Variants in GRIK1 observed in about 807,000 individuals in gnomAD.
The protein encoded by GRIK1 is glutamate receptor ionotropic, kainate 1.
GRIK1 carries 69 observed loss-of-function variants against 105.7 expected under a neutral mutation model. The observed-to-expected ratio is 0.65, with a 90% CI of 0.54 to 0.80. GRIK1 has a LOEUF of 0.80. GRIK1 is among the 30% of genes least tolerant of loss of function. GRIK1 has a pLI of 0.00. For synonymous variants in GRIK1, 438 were observed against 431.3 expected (o/e 1.02, Z -0.19); for missense variants, 1,109 against 1,167.3 (o/e 0.95, Z 0.73).
In GRIK1 at chr21:29,891,455, G is replaced by A. The variant is rs77178392; in HGVS notation, c.118+47928C>T. The stretch of plus-strand genomic sequence containing the variant: ...TAATCACAATGATAGCCTGTGTGGC[G>A]TGCATAATGCATTCTACATCTAGAA... On this transcript the variant is annotated intron_variant, in intron 1 of 17. Transcript: ENST00000327783. Among the ~76,000 whole-genome samples the A allele has an allele frequency of 7.9e-5, 12 of 152,206 alleles. No individual in the cohort carries two copies. The East Asian group carries it at 1.4e-3, about 17-fold the overall frequency.
At chr21:29,793,700 A>G (rs1323609558) in intron 1 of GRIK1, among the ~76,000 whole-genome samples, 1 of 152,234 alleles carries the variant, frequency 6.6e-6, no homozygotes, top group African/African-American at 2.4e-5. Flanking sequence ...CTACTAGAAG[A>G]CCAGCAAATT....
intron 1 of GRIK1, among the ~76,000 whole-genome samples, chr21:29,719,542 T>C (rs370688499): frequency 1.3e-5 from 2 of 152,288 alleles, no homozygotes; most frequent in African/African-American, 4.8e-5. Context: ...CATATAGGTT[T>C]CAAATATTCA....
At chr21:29,737,485 AG>A (rs1478040803) in intron 1 of GRIK1, among the ~76,000 whole-genome samples, 5 of 152,240 alleles carry the variant, frequency 3.3e-5, no homozygotes. Flanking sequence ...ACAAAATAAA[AG>A]GGGCACATTC....
chr21:29,627,264 A>G (rs2062152798), intron 7 of GRIK1, among the ~76,000 whole-genome samples: 1 of 152,168 alleles, frequency 6.6e-6, no homozygotes, highest in Admixed American at 6.5e-5. Context: ...GGTGGAAAGT[A>G]TTTTACTTAC....
chr21:29,757,702 G>A (rs1254408238), intron 1 of GRIK1, among the ~76,000 whole-genome samples: 1 of 152,160 alleles, frequency 6.6e-6, no homozygotes, highest in East Asian at 1.9e-4. Flanking sequence ...TTAACTTTAA[G>A]CAGGGTTTTT....
chr21:29,601,472 G>C (rs1234533780), intron 7 of GRIK1, among the ~76,000 whole-genome samples: 8 of 152,120 alleles, frequency 5.3e-5, no homozygotes, highest in Admixed American at 3.9e-4. Context: ...TAATACAGAG[G>C]TCTTTGAAAA....
intron 14 of GRIK1, among the ~76,000 whole-genome samples, chr21:29,576,649 T>C (rs901385855): frequency 1.3e-5 from 2 of 152,024 alleles, no homozygotes; most frequent in African/African-American, 2.4e-5. Flanking sequence ...AATGAGTGGT[T>C]AGATTGTATT....
Position 29,596,526 on chromosome 21 carries a change from C to T in GRIK1, c.1251G>A (p.Lys417=), listed in dbSNP as rs748406656. 4 of 1,603,862 alleles carry T rather than the reference C, an allele frequency of 2.5e-6. No homozygotes were observed. The African/African-American group carries it at 5.4e-5, about 21-fold the overall frequency. The stretch of plus-strand genomic sequence containing the variant: ...CTGCAGTTGTTGTCAGAGTACAAAC[C>T]TTCTTCCACACTTTATACAAGTGTT... The part of the protein sequence containing the change: ...VSKHLYKVWK[K]IGIWNSNSGL... Residue 417 remains lysine, a splice_region_variant and synonymous_variant, in exon 9 of 18, where the codon AAG becomes AAA. Coordinates refer to ENST00000327783, the MANE Select transcript of GRIK1 (RefSeq NM_001330994.2).
At chr21:29,847,548 T>C (rs2068160511) in intron 1 of GRIK1, among the ~76,000 whole-genome samples, 1 of 152,136 alleles carries the variant, frequency 6.6e-6, no homozygotes, top group Non-Finnish European at 1.5e-5. Context: ...GAGCCAAGAT[T>C]GGGCCATTGC....
Position 29,591,377 on chromosome 21 carries a change from AAC to A in GRIK1, c.1252-154_1252-153del, listed in dbSNP as rs111996940. 2,430 of 656,780 alleles carry A rather than the reference AAC, an allele frequency of 3.7e-3. 45 individuals carry two copies. In the African/African-American group the frequency reaches 0.039, roughly 11 times the overall value. The allele number at this position is 656,780 out of a possible 1,614,324, so 40.7% of individuals were successfully genotyped here. On this transcript the variant is annotated intron_variant, in intron 9 of 17. Coordinates refer to ENST00000327783, the MANE Select transcript of GRIK1 (RefSeq NM_001330994.2). ...GAAGCTACTAAACGTGGGGAAATGAAACAACAGAGGAATGAATGTGTAGACAA... is the reference window on the plus strand; with the variant it reads ...GAAGCTACTAAACGTGGGGAAATGAAAACAGAGGAATGAATGTGTAGACAA...
intron 1 of GRIK1, among the ~76,000 whole-genome samples, chr21:29,916,898 A>G (rs2040085546): frequency 1.3e-5 from 2 of 151,988 alleles, no homozygotes. Flanking sequence ...ATGACATGAA[A>G]CATACATGAA....
chr21:29,740,934 AT>A (rs1409909304), intron 1 of GRIK1, among the ~76,000 whole-genome samples: 1 of 152,166 alleles, frequency 6.6e-6, no homozygotes, highest in Non-Finnish European at 1.5e-5. Context: ...AAGAAGATAG[AT>A]TTTAGGGAAG....
At chr21:29,922,398 G>A (rs1311399747) in intron 1 of GRIK1, among the ~76,000 whole-genome samples, 1 of 152,032 alleles carries the variant, frequency 6.6e-6, no homozygotes, top group Non-Finnish European at 1.5e-5. Flanking sequence ...TCTGTGGGTA[G>A]AAGAAAACTG....
intron 1 of GRIK1, among the ~76,000 whole-genome samples, chr21:29,720,220 C>T (rs1416431081): frequency 1.3e-5 from 2 of 152,136 alleles, no homozygotes; most frequent in African/African-American, 4.8e-5. Context: ...GCACATATTT[C>T]TCAGATTATT....
At chr21:29,716,231 G>A (rs975276421) in intron 1 of GRIK1, among the ~76,000 whole-genome samples, 14 of 152,194 alleles carry the variant, frequency 9.2e-5, no homozygotes, top group African/African-American at 3.1e-4. Flanking sequence ...CCCATCTCAG[G>A]TATTTCTTCA....
intron 1 of GRIK1, among the ~76,000 whole-genome samples, chr21:29,914,384 A>G (rs932682033): frequency 2.0e-5 from 3 of 152,044 alleles, no homozygotes; most frequent in African/African-American, 7.2e-5. Flanking sequence ...CTCCCGAAGT[A>G]AGGCACATGA....
At chr21:29,783,782 T>C (rs1192952348) in intron 1 of GRIK1, among the ~76,000 whole-genome samples, 2 of 152,332 alleles carry the variant, frequency 1.3e-5, no homozygotes, top group Admixed American at 1.3e-4. Context: ...CTATCTTTCT[T>C]ATAATTTTAA....
intron 1 of GRIK1, among the ~76,000 whole-genome samples, chr21:29,718,773 AAAG>A (rs1449830862): frequency 2.0e-5 from 3 of 152,208 alleles, no homozygotes; most frequent in African/African-American, 4.8e-5. Flanking sequence ...TGCTTTGAGA[AAAG>A]AAGAGCTGAT....
At chr21:29,772,602 T>A (rs1265935394) in intron 1 of GRIK1, among the ~76,000 whole-genome samples, 1 of 152,202 alleles carries the variant, frequency 6.6e-6, no homozygotes, top group Admixed American at 6.5e-5. Context: ...CCCACCCTTT[T>A]TTGAACAAAA....
Sources: allele counts gnomAD v4.1 joint callset (sites outside exome capture counted in the v4.1 genomes callset), GRCh38; gene constraint gnomAD v4.1.1; transcripts MANE v1.5; gene names NCBI Gene and HGNC (gene_info 2026-07-23, HGNC 2026-07-21).